ZW10: variants seen among roughly 807,000 people sequenced by gnomAD.
ZW10 encodes the protein centromere/kinetochore protein zw10 homolog.
In ZW10, 53 loss-of-function variants were observed where a neutral mutation model predicts 87.8. The ratio of observed to expected loss-of-function variants is 0.60; its 90% CI spans 0.48 to 0.76. ZW10 has a LOEUF of 0.76. Among genes scored for constraint, ZW10 ranks in the 30% least tolerant of loss-of-function variants. The pLI, the probability that ZW10 is intolerant of heterozygous loss-of-function variation, is 0.00. For missense variants in ZW10, 837 were observed against 923.0 expected, an observed-to-expected ratio of 0.91 and a Z score of 1.21; for synonymous variants, 312 against 329.2, an observed-to-expected ratio of 0.95 and a Z score of 0.57.
At chr11:113,768,342 A>G (rs994032406) in intron 2 of ZW10, among the ~76,000 whole-genome samples, 1 of 152,222 alleles carries the variant, frequency 6.6e-6, no homozygotes, top group African/African-American at 2.4e-5. Context: ...ATCTTTCAAA[A>G]TAACAACAAC....
intron 2 of ZW10, among the ~76,000 whole-genome samples, chr11:113,768,186 T>C (rs1014282636): frequency 3.3e-5 from 5 of 152,232 alleles, no homozygotes; most frequent in Admixed American, 1.3e-4. Flanking sequence ...TTCTCTATTA[T>C]GAACCATAAA....
Position 113,757,816 on chromosome 11 carries a change from T to C in ZW10, c.771A>G (p.Ala257=). The change falls in exon 7 of 16, where the codon GCA becomes GCG. Residue 257 remains alanine, a synonymous_variant. Transcript: ENST00000200135. ...TCACAGCATGAAGGGATGGGCAAGA[T>C]GCCAGCGGCCTAAGGATATACTTCA... ...MLLKYILRPL[A]SCPSLHAVIE... 1 of 1,612,704 alleles carries C rather than the reference T, an allele frequency of 6.2e-7. No individual in the cohort carries two copies. Among genetic ancestry groups the C allele is most frequent in the Non-Finnish European group, 8.5e-7 (1 of 1,179,242 alleles).
chr11:113,770,963 G>A (rs1217789973), intron 1 of ZW10, among the ~76,000 whole-genome samples: 7 of 143,864 alleles, frequency 4.9e-5, no homozygotes, highest in African/African-American at 1.3e-4. Context: ...GGGGACTTGA[G>A]GATGCTATTT....
chr11:113,768,522 T>C (rs79875175), intron 2 of ZW10, among the ~76,000 whole-genome samples: 182 of 152,334 alleles, frequency 1.2e-3, no homozygotes, highest in African/African-American at 3.8e-3. Context: ...GGGATATTTT[T>C]TGAACTGTGC....
At chr11:113,758,251 T>C (rs940052186) in intron 6 of ZW10, among the ~76,000 whole-genome samples, 3 of 150,804 alleles carry the variant, frequency 2.0e-5, no homozygotes, top group Non-Finnish European at 2.9e-5. Flanking sequence ...AAAATACATA[T>C]ACCATGACAT....
At chr11:113,758,201 C>T (rs1953814630) in intron 6 of ZW10, among the ~76,000 whole-genome samples, 1 of 141,376 alleles carries the variant, frequency 7.1e-6, no homozygotes, top group African/African-American at 2.6e-5. Flanking sequence ...AAAAAGTAAG[C>T]ATGTCAAAAA....
chr11:113,754,281 T>G (rs1953760902), intron 7 of ZW10, among the ~76,000 whole-genome samples: 1 of 152,042 alleles, frequency 6.6e-6, no homozygotes, highest in Non-Finnish European at 1.5e-5. Context: ...GGCCAGGAGT[T>G]CAAGATCAGC....
chr11:113,760,775 T>C (rs1953850633), intron 3 of ZW10, 42 bp downstream of exon 3: 1 of 1,562,746 alleles, frequency 6.4e-7, no homozygotes, highest in African/African-American at 1.4e-5. Flanking sequence ...AATGAGACCT[T>C]CCCACCACCA....
intron 13 of ZW10, 75 bp downstream of exon 13, chr11:113,738,189 G>C: frequency 6.8e-7 from 1 of 1,466,306 alleles, no homozygotes; most frequent in Non-Finnish European, 9.1e-7. Flanking sequence ...ATTGTTTTCT[G>C]CTTTAAAAAA....
At position 113,758,566 on chromosome 11, in the gene ZW10, G is replaced by GCTTGCTGTGTAGTTCTC; in HGVS notation, c.704_720dup (p.Leu241GlufsTer15). The stretch of plus-strand genomic sequence containing the variant: ...TAGCATGCCTTACCAAATGATTTAA[G>GCTTGCTGTGTAGTTCTC]CTTGCTGTGTAGTTCTCCAAGAACA... On this transcript the variant is annotated frameshift_variant, in exon 6 of 16. Coordinates refer to ENST00000200135, the MANE Select transcript of ZW10 (RefSeq NM_004724.4). LOFTEE classifies it high-confidence loss of function. 1 of 1,613,916 alleles carries GCTTGCTGTGTAGTTCTC rather than the reference G, an allele frequency of 6.2e-7. No individual in the cohort carries two copies. Among genetic ancestry groups the GCTTGCTGTGTAGTTCTC allele is most frequent in the Non-Finnish European group, 8.5e-7 (1 of 1,179,968 alleles).
intron 6 of ZW10, 144 bp from the exon 7 acceptor site, chr11:113,757,997 T>A (rs1290804239): frequency 3.6e-6 from 2 of 561,986 alleles, no homozygotes; most frequent in Non-Finnish European, 5.8e-6. Flanking sequence ...CATGGTGAGA[T>A]CCCGTCTCTA....
intron 8 of ZW10, 135 bp downstream of exon 8, chr11:113,748,122 G>A (rs538418579): frequency 1.3e-6 from 1 of 744,526 alleles, no homozygotes; most frequent in Admixed American, 3.6e-5. Flanking sequence ...AAGTTATATG[G>A]AATTTGTCTC....
chr11:113,753,726 T>C (rs554690968), intron 7 of ZW10, among the ~76,000 whole-genome samples: 1 of 152,134 alleles, frequency 6.6e-6, no homozygotes, highest in South Asian at 2.1e-4. Context: ...AAAGTTTGAG[T>C]GGTCTGTGTA....
rs1307436774 is a variant in ZW10 at position 113,739,386 on chromosome 11, G to A, written c.1584-4C>T. ...GGGAAGTTTTTGAAGGTTCTCCCTA[G>A]GCCAGAAGGAGGGGTAGAAAAACAA... is the stretch of plus-strand genomic sequence containing the variant. On this transcript the variant is annotated splice_polypyrimidine_tract_variant and splice_region_variant and intron_variant, in intron 11 of 15. Coordinates refer to ENST00000200135, the MANE Select transcript of ZW10 (RefSeq NM_004724.4). 3 of 1,583,766 alleles carry A rather than the reference G, an allele frequency of 1.9e-6. No homozygotes were observed. The highest frequency in any genetic ancestry group is 8.6e-7 in the Non-Finnish European group (1 of 1,166,070).
chr11:113,733,782 G>A lies in ZW10; in HGVS notation c.2252C>T (p.Ala751Val), dbSNP rs764386508. 7.4e-6 allele frequency: 12 copies of A among 1,611,678 alleles called. No individual in the cohort carries two copies. In the South Asian group the frequency reaches 9.9e-5, roughly 13 times the overall value. The change falls in exon 16 of 16, where the codon GCG (alanine) becomes GTG (valine). Residue 751 changes from alanine (A) to valine (V), a missense_variant. Transcript: ENST00000200135. ...AGCTTTTACTTCACTGGAAGAGAAC[G>A]CAGCTGCCAGGGGTCCTTTTCCATC... ...WADGKGPLAA[A>V]FSSSEVKALI...
At chr11:113,742,640 G>A (rs1381198146) in intron 10 of ZW10, among the ~76,000 whole-genome samples, 1 of 152,154 alleles carries the variant, frequency 6.6e-6, no homozygotes, top group Admixed American at 6.6e-5. Context: ...GGTGTTTTGT[G>A]TTCCCAAAAA....
At chr11:113,773,406 A>G (rs1565290800) in intron 1 of ZW10, among the ~76,000 whole-genome samples, 156 bp downstream of exon 1, 1 of 146,506 alleles carries the variant, frequency 6.8e-6, no homozygotes, top group African/African-American at 2.5e-5. Flanking sequence ...GGGCCCCTCC[A>G]CTCCTCATTC....
chr11:113,767,459 A>C (rs1007024929), intron 2 of ZW10, among the ~76,000 whole-genome samples: 1 of 152,064 alleles, frequency 6.6e-6, no homozygotes, highest in African/African-American at 2.4e-5. Flanking sequence ...ACAAGTTCCA[A>C]ATATCCTCTC....
At chr11:113,769,374 A>G (rs1183477046) in intron 1 of ZW10, among the ~76,000 whole-genome samples, 1 of 152,256 alleles carries the variant, frequency 6.6e-6, no homozygotes. Context: ...TGTGGTCACC[A>G]ATTTTAATCA....
Sources: allele counts gnomAD v4.1 joint callset (sites outside exome capture counted in the v4.1 genomes callset), GRCh38; gene constraint gnomAD v4.1.1; transcripts MANE v1.5; gene names NCBI Gene and HGNC (gene_info 2026-07-23, HGNC 2026-07-21).